The following HFM1 variants were observed in gnomAD, a reference collection of about 807,000 sequenced individuals.
HFM1 encodes probable ATP-dependent DNA helicase HFM1.
In HFM1, 169 loss-of-function variants were observed where a neutral mutation model predicts 192.1. The observed-to-expected ratio is 0.88, with a 90% confidence interval of 0.78 to 1.00. HFM1 has a LOEUF of 1.00. Ranked by LOEUF, HFM1 falls within the 50% of genes least tolerant of loss-of-function variation. The pLI is 0.00. For synonymous variants in HFM1, 525 were observed against 537.8 expected (o/e 0.98, Z 0.33); for missense variants, 1,661 against 1,668.0 (o/e 1.00, Z 0.07).
intron 17 of HFM1, 62 bp downstream of exon 17, chr1:91,351,487 A>T: frequency 2.3e-6 from 2 of 871,612 alleles, no homozygotes; most frequent in Non-Finnish European, 1.8e-6. Flanking sequence ...TTGATATTTT[A>T]AAAGGAAATA....
Position 91,284,386 on chromosome 1 carries a change from G to A in HFM1, c.3392-7324C>T, listed in dbSNP as rs566024913. ...CCTCCCGAGTAGCTCGTATTACATG[G>A]GATTACAGGTGCCTGCCACCATGCC... On this transcript the variant is annotated intron_variant, in intron 30 of 38. Coordinates refer to ENST00000370425, the MANE Select transcript of HFM1 (RefSeq NM_001017975.6). Among the ~76,000 whole-genome samples, 3 of 151,992 alleles carry A rather than the reference G, an allele frequency of 2.0e-5. No homozygotes were observed. In the South Asian group the frequency reaches 6.3e-4, roughly 32 times the overall value.
At chr1:91,345,196 A>ACTTACTGAGAGTACCACT (rs1553209723) in intron 19 of HFM1, among the ~76,000 whole-genome samples, 1 of 152,228 alleles carries the variant, frequency 6.6e-6, no homozygotes, top group Non-Finnish European at 1.5e-5. Flanking sequence ...GTAAGATACC[A>ACTTACTGAGAGTACCACT]CAGGAAGACC....
At chr1:91,361,979 G>C (rs781108331) in intron 13 of HFM1, among the ~76,000 whole-genome samples, 1 of 152,018 alleles carries the variant, frequency 6.6e-6, no homozygotes, top group Non-Finnish European at 1.5e-5. Flanking sequence ...AAAGGACTTC[G>C]ATACAATTCA....
intron 20 of HFM1, among the ~76,000 whole-genome samples, chr1:91,342,580 C>T (rs930446559): frequency 1.3e-5 from 2 of 152,164 alleles, no homozygotes; most frequent in African/African-American, 4.8e-5. Flanking sequence ...TCACACCTGG[C>T]ATAAAAACAT....
intron 20 of HFM1, among the ~76,000 whole-genome samples, chr1:91,332,425 CT>C (rs1158419684): frequency 2.0e-5 from 3 of 152,086 alleles, no homozygotes; most frequent in Admixed American, 6.5e-5. Flanking sequence ...ACTAGACCCC[CT>C]ATCTCTTGAT....
chr1:91,319,063 G>C lies in HFM1; in HGVS notation c.2812+15C>G, dbSNP rs759140856. ...GCAGACATGGCCAAACTGCCTGCCTGTATTCAGTACCTACCAATTTTTTCC... is the reference window on the plus strand; with the variant it reads ...GCAGACATGGCCAAACTGCCTGCCTCTATTCAGTACCTACCAATTTTTTCC... On this transcript the variant is annotated intron_variant, in intron 25 of 38. Coordinates refer to ENST00000370425, the MANE Select transcript of HFM1 (RefSeq NM_001017975.6). 1 of 1,570,276 alleles carries C rather than the reference G, an allele frequency of 6.4e-7. No homozygotes were observed. Among genetic ancestry groups the C allele is most frequent in the Admixed American group, 2.1e-5 (1 of 47,182 alleles).
At chr1:91,338,233 G>A (rs1654849881) in intron 20 of HFM1, among the ~76,000 whole-genome samples, 4 of 152,204 alleles carry the variant, frequency 2.6e-5, no homozygotes, top group South Asian at 2.1e-4. Context: ...ACCCTGTGTG[G>A]AGCCCAAAGG....
At chr1:91,354,305 A>T (rs1251908098) in intron 13 of HFM1, among the ~76,000 whole-genome samples, 1 of 151,944 alleles carries the variant, frequency 6.6e-6, no homozygotes, top group Non-Finnish European at 1.5e-5. Flanking sequence ...GAAAGAGAAA[A>T]GAACAAAAAA....
chr1:91,339,898 T>C (rs970042732), intron 20 of HFM1, among the ~76,000 whole-genome samples: 3 of 152,036 alleles, frequency 2.0e-5, no homozygotes, highest in Non-Finnish European at 4.4e-5. Flanking sequence ...TCAGGGCAAC[T>C]AGACAGAAAG....
chr1:91,314,215 A>G (rs1022029122), intron 28 of HFM1, among the ~76,000 whole-genome samples, 155 bp from the exon 29 acceptor site: 3 of 152,256 alleles, frequency 2.0e-5, no homozygotes, highest in Non-Finnish European at 4.4e-5. Flanking sequence ...GAGGGAGAAT[A>G]AAGTATCAAT....
intron 20 of HFM1, among the ~76,000 whole-genome samples, chr1:91,327,003 A>T (rs1327755160): frequency 6.6e-6 from 1 of 152,248 alleles, no homozygotes; most frequent in East Asian, 1.9e-4. Context: ...TGGTAACCTC[A>T]AATTGAAAGA....
chr1:91,389,032 T>C (rs1328627669), intron 4 of HFM1, among the ~76,000 whole-genome samples: 4 of 151,890 alleles, frequency 2.6e-5, no homozygotes, highest in Non-Finnish European at 5.9e-5. Context: ...GATAATCACA[T>C]GAAAATATTC....
chr1:91,319,369 T>C lies in HFM1; in HGVS notation c.2604A>G (p.Gly868=). The change falls in exon 24 of 39, where the codon GGA becomes GGG. Residue 868 remains glycine (G), a synonymous_variant. Transcript: ENST00000370425. ...AAGCAAAATCTTGTATGGGAATGCA[T>C]CCTAGTTGAGCCTGAATAAGACTGG... ...KVNCLIQAQL[G]CIPIQDFALT... The C allele has an allele frequency of 6.2e-7, 1 of 1,612,140 alleles. No individual in the cohort carries two copies. The highest frequency in any genetic ancestry group is 8.5e-7 in the Non-Finnish European group (1 of 1,178,252).
intron 23 of HFM1, among the ~76,000 whole-genome samples, chr1:91,321,089 G>A (rs1652028803): frequency 6.6e-6 from 1 of 152,164 alleles, no homozygotes; most frequent in African/African-American, 2.4e-5. Context: ...AACAGAGCTA[G>A]TGCTGAAGAG....
At chr1:91,317,801 G>A (rs1214568131) in intron 25 of HFM1, among the ~76,000 whole-genome samples, 1 of 150,922 alleles carries the variant, frequency 6.6e-6, no homozygotes, top group African/African-American at 2.4e-5. Flanking sequence ...AAATTAATTT[G>A]TATGCATTAT....
chr1:91,303,813 G>A (rs1649198879), intron 30 of HFM1, among the ~76,000 whole-genome samples: 1 of 152,102 alleles, frequency 6.6e-6, no homozygotes, highest in Non-Finnish European at 1.5e-5. Context: ...TCACTTCTTT[G>A]GAAAATGTCT....
chr1:91,396,800 C>T (rs764966765), intron 2 of HFM1, among the ~76,000 whole-genome samples: 4 of 152,190 alleles, frequency 2.6e-5, no homozygotes, highest in Admixed American at 1.3e-4. Context: ...AATGTGTAAA[C>T]GATACCATTA....
chr1:91,262,523 G>C lies in HFM1; in HGVS notation c.4044C>G (p.Ser1348=), dbSNP rs776456072. ...SNSAMPKFSA[S]SMTKLPQQAG... ...CTTGTTGAGGTAATTTTGTCATGGA[G>C]GATGCACTGAACTTGGGCATAGCAG... Residue 1348 remains serine (S), a synonymous_variant, in exon 37 of 39, where the codon TCC becomes TCG. Transcript: ENST00000370425. 7 of 1,607,422 alleles carry C rather than the reference G, an allele frequency of 4.4e-6. No individual in the cohort carries two copies. The highest frequency in any genetic ancestry group is 1.3e-5 in the African/African-American group (1 of 74,780).
At chr1:91,302,371 G>T (rs1648922198) in intron 30 of HFM1, among the ~76,000 whole-genome samples, 1 of 152,052 alleles carries the variant, frequency 6.6e-6, no homozygotes, top group Non-Finnish European at 1.5e-5. Flanking sequence ...GGAAGTCAGT[G>T]TGGCGATTCC....
Sources: gnomAD v4.1 joint callset for allele counts (sites outside exome capture counted in the v4.1 genomes callset) on GRCh38, gnomAD v4.1.1 for gene constraint, MANE v1.5 for transcripts, NCBI Gene and HGNC (gene_info 2026-07-23, HGNC 2026-07-21) for gene names.